The following TSC22D2 variants were observed in gnomAD, a reference collection of about 807,000 sequenced individuals.
The protein encoded by TSC22D2 is TSC22 domain family protein 2.
TSC22D2 carries 5 observed loss-of-function variants against 50.1 expected under a neutral mutation model. The observed-to-expected ratio is 0.10, with a 90% CI of 0.05 to 0.21. TSC22D2 has a LOEUF of 0.21. Ranked by LOEUF, TSC22D2 falls within the 10% of genes least tolerant of loss-of-function variation. The probability of loss-of-function intolerance (pLI) is 1.00; values close to 1 mark genes in which losing one functional copy is unlikely to be tolerated. For missense variants in TSC22D2, 1,003 were observed against 1,015.5 expected (o/e 0.99, Z 0.17); for synonymous variants, 501 against 450.1 (o/e 1.11, Z -1.43).
intron 1 of TSC22D2, among the ~76,000 whole-genome samples, chr3:150,440,205 ATCC>A (rs996868621): frequency 2.0e-5 from 3 of 152,190 alleles, no homozygotes; most frequent in Non-Finnish European, 4.4e-5. Context: ...GTATGCTGGT[ATCC>A]TCTGAAAATT....
At chr3:150,432,410 A>C (rs987863157) in intron 1 of TSC22D2, among the ~76,000 whole-genome samples, 2 of 151,952 alleles carry the variant, frequency 1.3e-5, no homozygotes, top group Non-Finnish European at 2.9e-5. Context: ...TTTATTATTT[A>C]TTTATTTATT....
chr3:150,421,383 A>C (rs1191287555), intron 1 of TSC22D2, among the ~76,000 whole-genome samples: 1 of 152,168 alleles, frequency 6.6e-6, no homozygotes, highest in Non-Finnish European at 1.5e-5. Context: ...TGGTTCAGTT[A>C]GTTTTCATTT....
In TSC22D2 at chr3:150,410,301, G is replaced by A. The variant is rs748257377; in HGVS notation, c.951G>A (p.Ala317=). The change falls in exon 1 of 3, where the codon GCG becomes GCA. Residue 317 remains alanine, a synonymous_variant. Coordinates refer to ENST00000688009, the MANE Select transcript of TSC22D2 (RefSeq NM_001303264.2). ...CGCAGCCCAGCCAGCCCCAGGGAGC[G>A]GGGCCCGGGGGACAGACTCTGCCGC... is the stretch of plus-strand genomic sequence containing the variant. ...AAAQPSQPQG[A]GPGGQTLPPT... is the part of the protein sequence containing the mutation. 6 of 1,565,232 alleles carry A rather than the reference G, an allele frequency of 3.8e-6. No individual in the cohort carries two copies. Among genetic ancestry groups the A allele is most frequent in the African/African-American group, 1.4e-5 (1 of 73,774 alleles).
At chr3:150,436,056 C>T (rs923955023) in intron 1 of TSC22D2, among the ~76,000 whole-genome samples, 38 of 152,016 alleles carry the variant, frequency 2.5e-4, no homozygotes, top group African/African-American at 8.2e-4. Context: ...TAAGGATGTC[C>T]TACATGTTGG....
intron 1 of TSC22D2, among the ~76,000 whole-genome samples, chr3:150,455,765 G>A (rs1721166531): frequency 6.6e-6 from 1 of 152,120 alleles, no homozygotes; most frequent in Non-Finnish European, 1.5e-5. Flanking sequence ...AAAATCTTAG[G>A]TGGAGTATAC....
rs1040411325 is a variant in TSC22D2, at chr3:150,461,519, G to A, written c.*2883G>A. 43 of 152,240 alleles carry A rather than the reference G, an allele frequency of 2.8e-4. No individual in the cohort carries two copies. The highest frequency in any genetic ancestry group is 1.0e-3 in the African/African-American group (42 of 41,554). 9.4% of individuals were successfully genotyped at this position (152,240 alleles called of 1,614,324 possible). A position where few individuals can be genotyped will look rare whatever the true frequency, so the allele number is the denominator to read the frequency against. On this transcript the variant is annotated 3_prime_UTR_variant, in exon 3 of 3. Transcript: ENST00000688009. ...GTAAATCATAAGTAGAAATTTTTCT[G>A]ATACGGTAATTGTCTACAATTCAAA...
chr3:150,447,899 C>T (rs1166984593), intron 1 of TSC22D2, among the ~76,000 whole-genome samples: 2 of 152,106 alleles, frequency 1.3e-5, no homozygotes, highest in Non-Finnish European at 2.9e-5. Context: ...ATTATAGTGT[C>T]GAGTTTTTAA....
intron 1 of TSC22D2, among the ~76,000 whole-genome samples, chr3:150,416,133 G>A (rs957651810): frequency 2.0e-5 from 3 of 152,174 alleles, no homozygotes; most frequent in Admixed American, 1.3e-4. Context: ...AAAGTACAGT[G>A]GAGTGGCATG....
intron 1 of TSC22D2, among the ~76,000 whole-genome samples, chr3:150,444,270 G>T (rs1029411311): frequency 9.9e-5 from 15 of 152,128 alleles, no homozygotes; most frequent in African/African-American, 3.6e-4. Context: ...GTCCTGGCAT[G>T]ATGAGCTCAA....
rs1458593056 is a variant in TSC22D2, at chr3:150,465,569, C to T, written c.*6933C>T. ...ACTTTTAATGTCCTAAAGAAACATA[C>T]ATGTGTTCACAAGATAGCCTGTACA... On this transcript the variant is annotated 3_prime_UTR_variant, in exon 3 of 3. Coordinates refer to ENST00000688009, the MANE Select transcript of TSC22D2 (RefSeq NM_001303264.2). The T allele has an allele frequency of 6.6e-6, 1 of 152,162 alleles. No individual in the cohort carries two copies. The highest frequency in any genetic ancestry group is 2.4e-5 in the African/African-American group (1 of 41,446). 9.4% of individuals were successfully genotyped at this position (152,162 alleles called of 1,614,324 possible).
intron 1 of TSC22D2, among the ~76,000 whole-genome samples, chr3:150,412,846 TAATC>T (rs1463626704): frequency 1.3e-5 from 2 of 152,202 alleles, no homozygotes; most frequent in Non-Finnish European, 2.9e-5. Context: ...CCTTTGGTAA[TAATC>T]AACAGGCATC....
intron 1 of TSC22D2, among the ~76,000 whole-genome samples, chr3:150,417,917 A>G (rs1328532976): frequency 2.0e-5 from 3 of 152,058 alleles, no homozygotes; most frequent in African/African-American, 7.2e-5. Context: ...CTCTTCTATC[A>G]TTTAGCTGGT....
At position 150,410,966 on chromosome 3, in the gene TSC22D2, A is replaced by G. The variant is rs1346747997; in HGVS notation, c.1616A>G (p.Gln539Arg). The change falls in exon 1 of 3, where the codon CAA becomes CGA. Residue 539 changes from glutamine to arginine, a missense_variant. Gln to Arg is a conservative substitution (Grantham distance 43). Coordinates refer to ENST00000688009, the MANE Select transcript of TSC22D2 (RefSeq NM_001303264.2). ...PNVPAPLAQS[Q>R]QLSSHTPVSR... ...GTACCCGCGCCTCTGGCCCAGTCGCAACAGCTGAGCAGCCATACGCCAGTC... is the reference window on the plus strand; with the variant it reads ...GTACCCGCGCCTCTGGCCCAGTCGCGACAGCTGAGCAGCCATACGCCAGTC... 21 of 1,614,176 alleles carry G rather than the reference A, an allele frequency of 1.3e-5. No homozygotes were observed. The highest frequency in any genetic ancestry group is 1.8e-5 in the Non-Finnish European group (21 of 1,180,036).
At chr3:150,422,313 G>A (rs1720036269) in intron 1 of TSC22D2, among the ~76,000 whole-genome samples, 2 of 152,188 alleles carry the variant, frequency 1.3e-5, no homozygotes, top group Non-Finnish European at 2.9e-5. Context: ...TAGATTTGAG[G>A]TGAATCATAC....
intron 1 of TSC22D2, among the ~76,000 whole-genome samples, chr3:150,431,224 C>CAAAAAAAAA (rs71138443): frequency 3.2e-4 from 9 of 27,968 alleles, no homozygotes; most frequent in African/African-American, 6.6e-4. Context: ...GGCTCTGTCT[C>CAAAAAAAAA]AAAAAAAAAA....
intron 1 of TSC22D2, among the ~76,000 whole-genome samples, chr3:150,456,189 T>G (rs984069296): frequency 6.8e-6 from 1 of 146,882 alleles, no homozygotes; most frequent in East Asian, 1.9e-4. Flanking sequence ...TGTTTTTTTT[T>G]TTTTTGTTTT....
intron 1 of TSC22D2, among the ~76,000 whole-genome samples, chr3:150,443,480 A>G (rs1720782870): frequency 6.6e-6 from 1 of 152,362 alleles, no homozygotes; most frequent in South Asian, 2.1e-4. Context: ...CTTAGAGATC[A>G]CAAGGACGTT....
rs369436654 is a variant in TSC22D2, at chr3:150,458,343, C to T, written c.2011-33C>T. On this transcript the variant is annotated intron_variant, in intron 2 of 2. Coordinates refer to ENST00000688009, the MANE Select transcript of TSC22D2 (RefSeq NM_001303264.2). ...AGATAGCACCACCTTTATCTTTTCA[C>T]TCTTTTGACATTCCTAATTTTGTTT... 1,616 of 1,594,274 alleles carry T rather than the reference C, an allele frequency of 1.0e-3. 32 individuals are homozygous for T. In the South Asian group the frequency reaches 0.018, roughly 17 times the overall value.
intron 1 of TSC22D2, among the ~76,000 whole-genome samples, chr3:150,448,133 T>C (rs1720938901): frequency 6.6e-6 from 1 of 152,228 alleles, no homozygotes; most frequent in East Asian, 1.9e-4. Flanking sequence ...CTTTTCAACC[T>C]GTTAAACTTT....
Sources: allele counts gnomAD v4.1 joint callset (sites outside exome capture counted in the v4.1 genomes callset), GRCh38; gene constraint gnomAD v4.1.1; transcripts MANE v1.5; gene names NCBI Gene and HGNC (gene_info 2026-07-23, HGNC 2026-07-21).